FARS2: variants seen among roughly 807,000 people sequenced by gnomAD.
FARS2 encodes the protein phenylalanine--tRNA ligase, mitochondrial.
A neutral mutation model predicts 46.4 loss-of-function variants in FARS2; 40 were observed. The ratio of observed to expected loss-of-function variants is 0.86; its 90% CI spans 0.67 to 1.12. The LOEUF (loss-of-function observed/expected upper bound fraction) is 1.12. FARS2 is among the 50% of genes most tolerant of loss of function. The pLI is 0.00. For missense variants in FARS2, 513 were observed against 567.9 expected, an observed-to-expected ratio of 0.90 and a Z score of 0.98; for synonymous variants, 234 against 214.9, an observed-to-expected ratio of 1.09 and a Z score of -0.78.
At chr6:5,355,411 C>T (rs1295570637) in intron 1 of FARS2, among the ~76,000 whole-genome samples, 1 of 147,022 alleles carries the variant, frequency 6.8e-6, no homozygotes, top group African/African-American at 2.5e-5. Context: ...CACTCTGTCA[C>T]CCAGGCGTGA....
intron 1 of FARS2, among the ~76,000 whole-genome samples, chr6:5,319,469 G>A (rs979527537): frequency 5.3e-5 from 8 of 152,328 alleles, no homozygotes; most frequent in Non-Finnish European, 1.2e-4. Context: ...TTTGCAGACA[G>A]CCCACTCCAA....
rs550766284 is a variant in FARS2, at chr6:5,691,856, G to A, written c.1217+78536G>A. The stretch of plus-strand genomic sequence containing the variant: ...TCCACCCAGTTCGAGCTTCCTGGCC[G>A]CTTTGTTTACCTACTCACACCTTGT... On this transcript the variant is annotated intron_variant, in intron 6 of 6. Coordinates refer to ENST00000274680, the MANE Select transcript of FARS2 (RefSeq NM_006567.5). Among the ~76,000 whole-genome samples the A allele has an allele frequency of 2.0e-4, 31 of 152,246 alleles. 1 individual carries two copies. The highest frequency in any genetic ancestry group is 3.1e-4 in the Non-Finnish European group (21 of 68,006).
chr6:5,633,293 T>TTTTG (rs1776385885), intron 6 of FARS2, among the ~76,000 whole-genome samples: 2 of 131,308 alleles, frequency 1.5e-5, no homozygotes, highest in Non-Finnish European at 3.2e-5. Flanking sequence ...TTTTTTTTTT[T>TTTTG]GTGACAGAGT....
intron 4 of FARS2, among the ~76,000 whole-genome samples, chr6:5,473,585 G>T (rs751120877): frequency 6.6e-6 from 1 of 151,466 alleles, no homozygotes; most frequent in African/African-American, 2.4e-5. Context: ...CCTGATTCAG[G>T]AGAGGGCATC....
At chr6:5,548,251 C>T (rs746767884) in intron 5 of FARS2, among the ~76,000 whole-genome samples, 12 of 152,066 alleles carry the variant, frequency 7.9e-5, no homozygotes, top group Non-Finnish European at 1.5e-4. Context: ...GAGATTTGGG[C>T]GGGGACACAG....
intron 1 of FARS2, among the ~76,000 whole-genome samples, chr6:5,335,108 G>T (rs1581809650): frequency 6.6e-6 from 1 of 152,296 alleles, no homozygotes; most frequent in East Asian, 1.9e-4. Flanking sequence ...ACCTGTGAAA[G>T]CATTAGTTCC....
chr6:5,370,549 A>G (rs1758991834), intron 2 of FARS2, among the ~76,000 whole-genome samples: 1 of 152,216 alleles, frequency 6.6e-6, no homozygotes, highest in Non-Finnish European at 1.5e-5. Context: ...CTGTGATGCC[A>G]GTAATATGAC....
chr6:5,703,663 C>T (rs537377478), intron 6 of FARS2, among the ~76,000 whole-genome samples: 2 of 152,242 alleles, frequency 1.3e-5, no homozygotes, highest in South Asian at 2.1e-4. Context: ...TTTGGGAAAA[C>T]GCCCTCTCAA....
chr6:5,738,386 C>G (rs1188506119), intron 6 of FARS2, among the ~76,000 whole-genome samples: 1 of 152,190 alleles, frequency 6.6e-6, no homozygotes, highest in Non-Finnish European at 1.5e-5. Context: ...AAACAGAACC[C>G]TAAAAGATGT....
At chr6:5,479,660 A>C (rs1447572029) in intron 4 of FARS2, among the ~76,000 whole-genome samples, 1 of 152,252 alleles carries the variant, frequency 6.6e-6, no homozygotes, top group African/African-American at 2.4e-5. Flanking sequence ...TGCATAATAA[A>C]GCAATTGCTA....
intron 1 of FARS2, among the ~76,000 whole-genome samples, chr6:5,342,484 G>T (rs1326500913): frequency 6.6e-6 from 1 of 152,340 alleles, no homozygotes; most frequent in African/African-American, 2.4e-5. Context: ...AGAATATAAG[G>T]TGATCTGCCT....
intron 1 of FARS2, among the ~76,000 whole-genome samples, chr6:5,304,455 T>C (rs996640824): frequency 4.6e-5 from 7 of 152,230 alleles, no homozygotes. Context: ...TGATAGAGTC[T>C]CAGACATGGC....
intron 2 of FARS2, among the ~76,000 whole-genome samples, chr6:5,378,354 T>C (rs1759522645): frequency 6.6e-6 from 1 of 152,166 alleles, no homozygotes; most frequent in Admixed American, 6.5e-5. Flanking sequence ...GCGCTTCTTT[T>C]TGAACACCCC....
intron 3 of FARS2, among the ~76,000 whole-genome samples, chr6:5,407,642 A>G (rs1000185156): frequency 3.3e-5 from 5 of 152,096 alleles, no homozygotes; most frequent in Non-Finnish European, 7.4e-5. Context: ...ACAAAATGTT[A>G]TGGTTTGATA....
intron 1 of FARS2, among the ~76,000 whole-genome samples, chr6:5,274,628 C>T (rs138791738): frequency 3.3e-5 from 5 of 152,232 alleles, no homozygotes; most frequent in Middle Eastern, 3.4e-3. Flanking sequence ...GAACTGGATG[C>T]GTCTAGACTT....
rs1047990399 is a variant in FARS2, at chr6:5,630,630, G to T, written c.1217+17310G>T. On this transcript the variant is annotated intron_variant, in intron 6 of 6. Transcript: ENST00000274680. This position sits in a 1 kb window ranked among gnomAD's most constrained non-coding sequence, Gnocchi z 4.2. Reference sequence around the variant, plus strand: ...AGTTTCACGTTGCTGTCATTTACCCGTTCTGATTTTCCTTCCTCGTATAGC... The same window carrying T: ...AGTTTCACGTTGCTGTCATTTACCCTTTCTGATTTTCCTTCCTCGTATAGC... Among the ~76,000 whole-genome samples, 1 of 152,152 alleles carries T rather than the reference G, an allele frequency of 6.6e-6. No individual in the cohort carries two copies. Among genetic ancestry groups the T allele is most frequent in the Non-Finnish European group, 1.5e-5 (1 of 68,024 alleles).
rs79498913 is a variant in FARS2, at chr6:5,358,938, C to A, written c.-21-9612C>A. ...AGTTTCCAGTGTGACAGAACACTTT[C>A]AAATCTCTCATTCTTGAATATATGG... On this transcript the variant is annotated intron_variant, in intron 1 of 6. Transcript: ENST00000274680. 6.1e-3 allele frequency among the ~76,000 whole-genome samples: 902 copies of A among 147,296 alleles called. 38 individuals carry two copies. The South Asian group carries it at 0.093, about 15-fold the overall frequency.
In FARS2 at chr6:5,287,788, G is replaced by A. The variant is rs150097150; in HGVS notation, c.-22+26128G>A. Among the ~76,000 whole-genome samples the A allele has an allele frequency of 4.6e-3, 705 of 152,058 alleles. 2 individuals carry two copies. The highest frequency in any genetic ancestry group is 0.016 in the African/African-American group (653 of 41,474). On this transcript the variant is annotated intron_variant, in intron 1 of 6. Transcript: ENST00000274680. ...ACACACGGGGAATTCCTTAAGATGC[G>A]GAGCTCTTCTTCAAATTACTCCAGC...
intron 6 of FARS2, among the ~76,000 whole-genome samples, chr6:5,752,888 C>T (rs559432305): frequency 6.6e-6 from 1 of 152,170 alleles, no homozygotes; most frequent in East Asian, 1.9e-4. Flanking sequence ...CCCCCCAGGT[C>T]TCTCTCCCAG....
Sources: allele counts gnomAD v4.1 joint callset (sites outside exome capture counted in the v4.1 genomes callset), GRCh38; gene constraint gnomAD v4.1.1; non-coding constraint Gnocchi (gnomAD v3.1); transcripts MANE v1.5; gene names NCBI Gene and HGNC (gene_info 2026-07-23, HGNC 2026-07-21).